The following CEP250 variants were observed in gnomAD, a reference collection of about 807,000 sequenced individuals.
CEP250 encodes the protein centrosomal protein 250.
CEP250 carries 242 observed loss-of-function variants against 315.7 expected under a neutral mutation model. The ratio of observed to expected loss-of-function variants is 0.77; its 90% CI spans 0.69 to 0.85. The LOEUF is 0.85. CEP250 is among the 40% of genes least tolerant of loss of function. The probability of loss-of-function intolerance (pLI) is 0.00; values close to 1 mark genes in which losing one functional copy is unlikely to be tolerated. For synonymous variants in CEP250, 1,088 were observed against 1,175.0 expected (o/e 0.93, Z 1.51); for missense variants, 2,515 against 2,886.4 (o/e 0.87, Z 2.95).
chr20:35,464,264 G>T (rs1392689190), intron 5 of CEP250, among the ~76,000 whole-genome samples: 1 of 152,152 alleles, frequency 6.6e-6, no homozygotes, highest in African/African-American at 2.4e-5. Context: ...CCCATTGTTT[G>T]GGGTTGTTTT....
At position 35,494,718 on chromosome 20, in the gene CEP250, A is replaced by C. The variant is rs537405692; in HGVS notation, c.3167+61A>C. 5 of 1,593,236 alleles carry C rather than the reference A, an allele frequency of 3.1e-6. No homozygotes were observed. The Admixed American group carries it at 6.8e-5, about 22-fold the overall frequency. Reference sequence around the variant, plus strand: ...ATCTGGCTGCCATGGTCACTGTGATATTGACAGTTGTTTGCTCAGGCCACC... The same window carrying C: ...ATCTGGCTGCCATGGTCACTGTGATCTTGACAGTTGTTTGCTCAGGCCACC... On this transcript the variant is annotated intron_variant, in intron 24 of 34. Transcript: ENST00000397527.
intron 1 of CEP250, among the ~76,000 whole-genome samples, chr20:35,456,612 A>C (rs1254512676): frequency 6.6e-6 from 1 of 152,124 alleles, no homozygotes; most frequent in Non-Finnish European, 1.5e-5. Flanking sequence ...ATTATCGCTC[A>C]CTATTTAAGA....
In CEP250 at chr20:35,473,366, C is replaced by T. The variant is rs752952194; in HGVS notation, c.1210-8C>T. The T allele has an allele frequency of 1.2e-6, 2 of 1,606,940 alleles. No homozygotes were observed. The highest frequency in any genetic ancestry group is 1.1e-5 in the South Asian group (1 of 89,914). ...CATCATCTGGTTTCTCTTGCTCTCT[C>T]TCCACAGGACCTAAGGCAGCAGCTT... On this transcript the variant is annotated splice_polypyrimidine_tract_variant and splice_region_variant and intron_variant, in intron 12 of 34. Coordinates refer to ENST00000397527, the MANE Select transcript of CEP250 (RefSeq NM_007186.6).
At chr20:35,510,422 C>T (rs888280257) in intron 34 of CEP250, among the ~76,000 whole-genome samples, 2 of 152,020 alleles carry the variant, frequency 1.3e-5, no homozygotes, top group East Asian at 3.9e-4. Flanking sequence ...AGCCAGGCAC[C>T]AGCACAAGCT....
intron 20 of CEP250, 88 bp from the exon 21 acceptor site, chr20:35,490,549 A>C: frequency 8.1e-7 from 1 of 1,236,074 alleles, no homozygotes; most frequent in Non-Finnish European, 1.1e-6. Context: ...ACTAGTGAGT[A>C]GTAGAGAGAC....
chr20:35,503,764 C>T lies in CEP250; in HGVS notation c.5395C>T (p.Gln1799Ter). Reference protein sequence around the residue: ...EAREQGELKEQSLQSQLDEAQ... With the variant: ...EAREQGELKE ...CAGGGAACAAGGGGAGCTGAAGGAG[C>T]AGTCACTTCAGAGTCAACTGGATGA... The change falls in exon 30 of 35, where the codon CAG (glutamine) becomes TAG (stop). Residue 1799 changes from glutamine (Q) to a stop codon, truncating the protein, a stop_gained. Transcript: ENST00000397527. LOFTEE classifies it high-confidence loss of function. This position sits in a 1 kb window ranked among gnomAD's most constrained non-coding sequence, Gnocchi z 4.2. 3 of 1,613,968 alleles carry T rather than the reference C, an allele frequency of 1.9e-6. No individual in the cohort carries two copies. The highest frequency in any genetic ancestry group is 2.5e-6 in the Non-Finnish European group (3 of 1,180,026).
chr20:35,479,493 C>T (rs2063278417), intron 18 of CEP250, 69 bp downstream of exon 18: 6 of 1,553,992 alleles, frequency 3.9e-6, no homozygotes, highest in Non-Finnish European at 5.2e-6. Flanking sequence ...AAGCTAAGCT[C>T]CCTGCCATAA....
Position 35,477,735 on chromosome 20 carries a change from C to G in CEP250, c.1864-136C>G. On this transcript the variant is annotated intron_variant, in intron 16 of 34. Coordinates refer to ENST00000397527, the MANE Select transcript of CEP250 (RefSeq NM_007186.6). ...ACTAGATCAAATGAATGGATTTTCCCCCATCTTATAAACACTCCTTTGTTC... is the reference window on the plus strand; with the variant it reads ...ACTAGATCAAATGAATGGATTTTCCGCCATCTTATAAACACTCCTTTGTTC... The G allele has an allele frequency of 4.2e-6, 3 of 718,972 alleles. No individual in the cohort carries two copies. In the East Asian group the frequency reaches 8.2e-5, roughly 20 times the overall value. The allele number at this position is 718,972 out of a possible 1,614,324, so 44.5% of individuals were successfully genotyped here.
chr20:35,502,667 G>A lies in CEP250; in HGVS notation c.4298G>A (p.Arg1433Lys). 1 of 1,614,276 alleles carries A rather than the reference G, an allele frequency of 6.2e-7. No homozygotes were observed. The highest frequency in any genetic ancestry group is 8.5e-7 in the Non-Finnish European group (1 of 1,180,054). Residue 1433 changes from arginine (R) to lysine (K), a missense_variant, in exon 30 of 35, where the codon AGA (arginine) becomes AAA (lysine). By Grantham distance (26) the Arg-to-Lys change is conservative (BLOSUM62 2). Coordinates refer to ENST00000397527, the MANE Select transcript of CEP250 (RefSeq NM_007186.6). ...CTCCTGACCCAGACCCTAGCTGAAAGAGAAGAGGAGGTGGAGACTCTGCGG... is the reference window on the plus strand; with the variant it reads ...CTCCTGACCCAGACCCTAGCTGAAAAAGAAGAGGAGGTGGAGACTCTGCGG... Reference protein sequence around the residue: ...LALLTQTLAEREEEVETLRGQ... With the variant: ...LALLTQTLAEKEEEVETLRGQ...
chr20:35,507,880 G>A, intron 31 of CEP250, 29 bp downstream of exon 31: 2 of 1,605,954 alleles, frequency 1.2e-6, no homozygotes, highest in Non-Finnish European at 1.7e-6. Flanking sequence ...GGGAACAGGT[G>A]ACCCAGCAGG....
intron 8 of CEP250, 90 bp downstream of exon 8, chr20:35,467,162 G>A (rs969078666): frequency 1.7e-6 from 2 of 1,182,978 alleles, no homozygotes; most frequent in East Asian, 2.5e-5. Context: ...ATCAGCTGTG[G>A]GGGTGGGGTG....
At position 35,476,652 on chromosome 20, in the gene CEP250, A is replaced by G. The variant is rs181375469; in HGVS notation, c.1863+57A>G. The G allele has an allele frequency of 2.0e-6, 3 of 1,478,922 alleles. No homozygotes were observed. The Admixed American group carries it at 5.2e-5, about 26-fold the overall frequency. 91.6% of individuals were successfully genotyped at this position (1,478,922 alleles called of 1,614,324 possible). On this transcript the variant is annotated intron_variant, in intron 16 of 34. Transcript: ENST00000397527. ...GGGCTGGGCCCTAACTGAGAGCAAG[A>G]CGGATCAGCTCCCAAATGTAGGTCT... is the stretch of plus-strand genomic sequence containing the variant.
At chr20:35,488,926 C>G (rs918276938) in intron 20 of CEP250, among the ~76,000 whole-genome samples, 2 of 152,104 alleles carry the variant, frequency 1.3e-5, no homozygotes, top group African/African-American at 4.8e-5. Flanking sequence ...TGGCTCACAC[C>G]TGTAATCCTA....
chr20:35,466,746 C>G (rs1247663254), intron 7 of CEP250, among the ~76,000 whole-genome samples: 1 of 152,150 alleles, frequency 6.6e-6, no homozygotes, highest in Non-Finnish European at 1.5e-5. Context: ...TAATCTGGCC[C>G]AGAGGAAGGC....
intron 12 of CEP250, 34 bp downstream of exon 12, chr20:35,472,865 G>C: frequency 6.2e-7 from 1 of 1,611,894 alleles, no homozygotes. Flanking sequence ...TCAGTCACAG[G>C]GGTTTGTGTC....
Position 35,504,792 on chromosome 20 carries a change from T to C in CEP250, c.6423T>C (p.Leu2141=). The change falls in exon 30 of 35, where the codon CTT becomes CTC. Residue 2141 remains leucine, a synonymous_variant. Transcript: ENST00000397527. ...CAATGGAGGAACAATCTCTAAAACT[T>C]GATTCTTTAGAGCCCAGGCTGCAGC... is the stretch of plus-strand genomic sequence containing the variant. ...TSPMEEQSLK[L]DSLEPRLQRE... 6.2e-7 allele frequency: 1 copy of C among 1,614,124 alleles called. No individual in the cohort carries two copies. Among genetic ancestry groups the C allele is most frequent in the East Asian group, 2.2e-5 (1 of 44,884 alleles).
chr20:35,500,294 A>T (rs2063966742), intron 28 of CEP250, 125 bp downstream of exon 28: 2 of 1,170,762 alleles, frequency 1.7e-6, no homozygotes, highest in South Asian at 3.0e-5. Context: ...ACGACATCTC[A>T]CTCTGTCACT....
chr20:35,504,814 CAGCGGGAGCTGG>C lies in CEP250; in HGVS notation c.6451_6462del (p.Glu2151_Arg2154del), dbSNP rs779829454. On this transcript the variant is annotated inframe_deletion, in exon 30 of 35. Transcript: ENST00000397527. ...ACTTGATTCTTTAGAGCCCAGGCTG[CAGCGGGAGCTGG>C]AGCGGCTACAGGCAGCCCTGAGACA... 2.8e-4 allele frequency: 455 copies of C among 1,614,242 alleles called. No homozygotes were observed. The highest frequency in any genetic ancestry group is 3.8e-4 in the Non-Finnish European group (447 of 1,180,044).
Position 35,479,300 on chromosome 20 carries a change from GA to G in CEP250, c.2166del (p.Val723CysfsTer12). ...QLHQEAKRQE[E>X]VLARAVQEKE... is the part of the protein sequence containing the mutation. Reference sequence around the variant, plus strand: ...ACATCAGGAGGCAAAGCGACAGGAAGAAGTGCTTGCCAGGGCAGTCCAGGAG... The same window carrying G: ...ACATCAGGAGGCAAAGCGACAGGAAGAGTGCTTGCCAGGGCAGTCCAGGAG... On this transcript the variant is annotated frameshift_variant, in exon 18 of 35. Coordinates refer to ENST00000397527, the MANE Select transcript of CEP250 (RefSeq NM_007186.6). LOFTEE classifies it high-confidence loss of function. The G allele has an allele frequency of 6.2e-7, 1 of 1,614,228 alleles. No homozygotes were observed. The highest frequency in any genetic ancestry group is 8.5e-7 in the Non-Finnish European group (1 of 1,180,042).
Sources: gnomAD v4.1 joint callset for allele counts (sites outside exome capture counted in the v4.1 genomes callset) on GRCh38, gnomAD v4.1.1 for gene constraint, Gnocchi (gnomAD v3.1) non-coding constraint, MANE v1.5 for transcripts, NCBI Gene and HGNC (gene_info 2026-07-23, HGNC 2026-07-21) for gene names.